Variants in PTPRT observed in about 807,000 individuals in gnomAD.
PTPRT encodes receptor-type tyrosine-protein phosphatase T.
Under a neutral mutation model 176.8 loss-of-function variants are expected in PTPRT, and 56 were observed. That is an observed-to-expected ratio of 0.32 (90% CI 0.26 to 0.40). The LOEUF is 0.40. Among genes scored for constraint, PTPRT ranks in the 10% least tolerant of loss-of-function variants. The probability of loss-of-function intolerance (pLI) is 1.00; values close to 1 mark genes in which losing one functional copy is unlikely to be tolerated. For synonymous variants in PTPRT, 783 were observed against 739.0 expected (o/e 1.06, Z -0.96); for missense variants, 1,540 against 1,908.2 (o/e 0.81, Z 3.60).
intron 7 of PTPRT, among the ~76,000 whole-genome samples, chr20:42,577,321 C>T (rs951680836): frequency 1.3e-5 from 2 of 152,186 alleles, no homozygotes; most frequent in African/African-American, 4.8e-5. Flanking sequence ...GGCCACACCT[C>T]TGCACAAGGC....
At chr20:42,372,295 T>C (rs2058596687) in intron 9 of PTPRT, among the ~76,000 whole-genome samples, 1 of 148,978 alleles carries the variant, frequency 6.7e-6, no homozygotes, top group South Asian at 2.2e-4. Context: ...TTTTTTTTTT[T>C]TTTTTTGAGA....
At chr20:42,904,545 T>A (rs541387239) in intron 1 of PTPRT, among the ~76,000 whole-genome samples, 1 of 152,274 alleles carries the variant, frequency 6.6e-6, no homozygotes, top group South Asian at 2.1e-4. Context: ...GGTGAAAACC[T>A]TCCACAGAAT....
chr20:42,679,715 A>ATT (rs11344776), intron 6 of PTPRT, among the ~76,000 whole-genome samples: 1 of 150,896 alleles, frequency 6.6e-6, no homozygotes, highest in African/African-American at 2.4e-5. Context: ...TATTGTAAGG[A>ATT]TTTTTTTTTT....
intron 7 of PTPRT, among the ~76,000 whole-genome samples, chr20:42,498,759 A>G (rs1381098843): frequency 2.0e-5 from 3 of 151,912 alleles, no homozygotes; most frequent in Non-Finnish European, 2.9e-5. Flanking sequence ...AGCTGACTCA[A>G]CTCTTCAGGA....
intron 1 of PTPRT, among the ~76,000 whole-genome samples, chr20:43,028,701 G>C (rs1487189483): frequency 6.6e-6 from 1 of 152,198 alleles, no homozygotes; most frequent in Non-Finnish European, 1.5e-5. Context: ...GATAGCCTAA[G>C]GCAAGGTACA....
chr20:42,182,571 T>C (rs926232563), intron 16 of PTPRT, among the ~76,000 whole-genome samples: 1 of 152,184 alleles, frequency 6.6e-6, no homozygotes, highest in Non-Finnish European at 1.5e-5. Flanking sequence ...CTCTGTCATG[T>C]CTGTACATCA....
At chr20:42,052,001 T>C in the PTPRT span, among the ~76,000 whole-genome samples, 1 of 152,228 alleles carries the variant, frequency 6.6e-6, no homozygotes, top group Non-Finnish European at 1.5e-5. Context: ...ATTATACTGA[T>C]TGATGTGTTT....
intron 9 of PTPRT, among the ~76,000 whole-genome samples, chr20:42,364,237 C>T (rs1051726553): frequency 6.6e-6 from 1 of 152,156 alleles, no homozygotes; most frequent in Non-Finnish European, 1.5e-5. Flanking sequence ...CGTAATCACA[C>T]ATTCTGGGCC....
At chr20:42,330,576 T>C (rs1441691232) in intron 11 of PTPRT, among the ~76,000 whole-genome samples, 2 of 151,992 alleles carry the variant, frequency 1.3e-5, no homozygotes, top group Non-Finnish European at 1.5e-5. Flanking sequence ...TAAGCAAGTC[T>C]ATGTAGTCTA....
At chr20:42,685,689 TAC>T (rs2075679711) in intron 6 of PTPRT, 2 of 152,210 alleles carry the variant, frequency 1.3e-5, no homozygotes, top group Admixed American at 1.3e-4. Context: ...TAGATTTAAA[TAC>T]ATGAAAACGC....
intron 1 of PTPRT, among the ~76,000 whole-genome samples, chr20:43,116,909 C>T (rs894551213): frequency 2.0e-5 from 3 of 152,050 alleles, no homozygotes; most frequent in African/African-American, 7.3e-5. Context: ...GCCCAGTGAC[C>T]CAAAACAAAA....
At chr20:43,165,589 C>T (rs2092154994) in intron 1 of PTPRT, among the ~76,000 whole-genome samples, 1 of 152,186 alleles carries the variant, frequency 6.6e-6, no homozygotes, top group South Asian at 2.1e-4. Context: ...TACAAATTAC[C>T]TAGTCTCAGG....
chr20:42,323,870 C>T (rs1294221909), intron 11 of PTPRT, among the ~76,000 whole-genome samples: 1 of 152,124 alleles, frequency 6.6e-6, no homozygotes, highest in African/African-American at 2.4e-5. Context: ...GACAGACAAC[C>T]AGTGTTTGAA....
intron 6 of PTPRT, among the ~76,000 whole-genome samples, chr20:42,711,722 G>A (rs931210617): frequency 3.3e-5 from 5 of 151,800 alleles, no homozygotes; most frequent in African/African-American, 1.2e-4. Flanking sequence ...CAAATGCCAA[G>A]GAATATGAAC....
chr20:42,580,800 T>C lies in PTPRT; in HGVS notation c.1153+97066A>G, dbSNP rs189599757. On this transcript the variant is annotated intron_variant, in intron 7 of 30. Transcript: ENST00000373187. ...AGTTGCTTATCAACTAAAGGAGATTTTGGGCTGAGACGATGGGGTTTTCTA... is the reference window on the plus strand; with the variant it reads ...AGTTGCTTATCAACTAAAGGAGATTCTGGGCTGAGACGATGGGGTTTTCTA... 4.5e-4 allele frequency among the ~76,000 whole-genome samples: 69 copies of C among 152,304 alleles called. No individual in the cohort carries two copies. In the East Asian group the frequency reaches 0.013, roughly 28 times the overall value.
At chr20:42,844,158 T>C (rs187370670) in intron 2 of PTPRT, among the ~76,000 whole-genome samples, 1 of 152,362 alleles carries the variant, frequency 6.6e-6, no homozygotes, top group Admixed American at 6.5e-5. Context: ...TTCCATTCAT[T>C]ATTTCACTTC....
intron 9 of PTPRT, among the ~76,000 whole-genome samples, chr20:42,393,072 G>A (rs1349200982): frequency 6.6e-6 from 1 of 152,146 alleles, no homozygotes; most frequent in Non-Finnish European, 1.5e-5. Flanking sequence ...GATCTATTTT[G>A]TAACGATTCT....
At chr20:42,614,531 C>T (rs960385321) in intron 7 of PTPRT, among the ~76,000 whole-genome samples, 1 of 145,444 alleles carries the variant, frequency 6.9e-6, no homozygotes, top group Admixed American at 6.7e-5. Flanking sequence ...AGCTAACACT[C>T]CTTTGTCACC....
chr20:43,086,068 C>G (rs2011595792), intron 1 of PTPRT, among the ~76,000 whole-genome samples: 1 of 152,158 alleles, frequency 6.6e-6, no homozygotes, highest in Admixed American at 6.5e-5. Flanking sequence ...TGGCCCAAGA[C>G]AAGCATCTAA....
Sources: gnomAD v4.1 joint callset for allele counts (sites outside exome capture counted in the v4.1 genomes callset) on GRCh38, gnomAD v4.1.1 for gene constraint, MANE v1.5 for transcripts, NCBI Gene and HGNC (gene_info 2026-07-23, HGNC 2026-07-21) for gene names.